FAM20C: variants seen among roughly 807,000 people sequenced by gnomAD.
The protein encoded by FAM20C is FAM20C golgi associated secretory pathway kinase.
Under a neutral mutation model 51.5 loss-of-function variants are expected in FAM20C, and 40 were observed. The observed-to-expected ratio is 0.78, with a 90% confidence interval of 0.60 to 1.01. The LOEUF is 1.01. Among genes scored for constraint, FAM20C ranks in the 50% least tolerant of loss-of-function variants. The pLI is 0.00. For synonymous variants in FAM20C, 406 were observed against 380.6 expected (o/e 1.07, Z -0.78); for missense variants, 861 against 844.7 (o/e 1.02, Z -0.24).
intron 3 of FAM20C, among the ~76,000 whole-genome samples, chr7:245,488 C>A (rs1381142009): frequency 6.6e-6 from 1 of 151,874 alleles, no homozygotes; most frequent in Admixed American, 6.5e-5. Flanking sequence ...CTCCCTGGGC[C>A]TGGCCTGGGT....
chr7:211,088 G>A (rs1786684785), intron 3 of FAM20C, among the ~76,000 whole-genome samples: 1 of 151,614 alleles, frequency 6.6e-6, no homozygotes, highest in African/African-American at 2.4e-5. Flanking sequence ...AGCCCAGGGT[G>A]CGCGACCTAC....
At chr7:219,258 T>A (rs894559277) in intron 3 of FAM20C, among the ~76,000 whole-genome samples, 14 of 151,974 alleles carry the variant, frequency 9.2e-5, no homozygotes, top group African/African-American at 3.4e-4. Flanking sequence ...GGGGAGGGGC[T>A]GGGGTCGCTG....
intron 3 of FAM20C, among the ~76,000 whole-genome samples, chr7:212,285 A>C (rs1467520670): frequency 6.6e-6 from 1 of 152,200 alleles, no homozygotes; most frequent in Non-Finnish European, 1.5e-5. Context: ...CAACATGGTG[A>C]AACCCCATCT....
chr7:256,253 C>G (rs958206364), intron 6 of FAM20C: 3 of 623,826 alleles, frequency 4.8e-6, no homozygotes, highest in Non-Finnish European at 8.2e-6. Flanking sequence ...GCCGGCCTGC[C>G]CACCAGGTCC....
At chr7:219,541 C>T (rs927668193) in intron 3 of FAM20C, among the ~76,000 whole-genome samples, 8 of 152,186 alleles carry the variant, frequency 5.3e-5, no homozygotes, top group African/African-American at 1.9e-4. Flanking sequence ...CCTGAAGCAG[C>T]AGGAGGTGCC....
intron 1 of FAM20C, 85 bp from the exon 2 acceptor site, chr7:195,469 C>T (rs1785813111): frequency 7.8e-7 from 1 of 1,283,330 alleles, no homozygotes; most frequent in Non-Finnish European, 1.0e-6. Context: ...AAGTTAAAAA[C>T]ACTGGCGTCG....
At chr7:198,624 G>A (rs1422079835) in intron 2 of FAM20C, among the ~76,000 whole-genome samples, 4 of 152,208 alleles carry the variant, frequency 2.6e-5, no homozygotes, top group Middle Eastern at 3.2e-3. Context: ...CATGCACCAC[G>A]TGTGCCTTTG....
At chr7:228,404 C>T in intron 3 of FAM20C, 3 of 452,646 alleles carry the variant, frequency 6.6e-6, no homozygotes, top group South Asian at 4.7e-5. Flanking sequence ...ACTCAGGCCC[C>T]TCTGCTGGGT....
chr7:217,220 C>G (rs537628638), intron 3 of FAM20C, among the ~76,000 whole-genome samples: 65 of 152,256 alleles, frequency 4.3e-4, no homozygotes, highest in Non-Finnish European at 1.0e-4. Context: ...GCGGACACAG[C>G]TTTGGCCTCG....
At chr7:258,752 T>C (rs964429527) in intron 9 of FAM20C, 47 bp downstream of exon 9, 6 of 1,503,906 alleles carry the variant, frequency 4.0e-6, no homozygotes, top group East Asian at 4.9e-5. Context: ...TCCTCCCTAC[T>C]GCGCAGGAGA....
intron 2 of FAM20C, among the ~76,000 whole-genome samples, chr7:203,613 A>G (rs1282515108): frequency 6.6e-6 from 1 of 152,224 alleles, no homozygotes; most frequent in Non-Finnish European, 1.5e-5. Flanking sequence ...CCCACTTGGT[A>G]GACTGAGTGG....
intron 1 of FAM20C, among the ~76,000 whole-genome samples, chr7:194,779 A>ATC (rs2115038194): frequency 1.5e-5 from 1 of 66,086 alleles, no homozygotes; most frequent in African/African-American, 6.9e-5. Context: ...CTAGCCCCCC[A>ATC]CCCCGCCCCC....
intron 3 of FAM20C, among the ~76,000 whole-genome samples, chr7:217,751 C>A (rs1337568794): frequency 6.6e-6 from 1 of 152,138 alleles, no homozygotes; most frequent in Non-Finnish European, 1.5e-5. Flanking sequence ...GACGGGAGAA[C>A]AATGACCCGG....
intron 2 of FAM20C, among the ~76,000 whole-genome samples, chr7:205,341 C>T (rs1035825040): frequency 1.3e-5 from 2 of 151,060 alleles, no homozygotes; most frequent in Non-Finnish European, 3.0e-5. Flanking sequence ...ACCACGGACA[C>T]GCACCGCCAC....
chr7:226,970 CCGTCCAAG>C (rs1787471460), intron 3 of FAM20C, among the ~76,000 whole-genome samples: 1 of 152,172 alleles, frequency 6.6e-6, no homozygotes, highest in Non-Finnish European at 1.5e-5. Context: ...GTCCCTGCAG[CCGTCCAAG>C]CCCACACTGG....
In FAM20C at chr7:258,070, T is replaced by C. The variant is rs376127190; in HGVS notation, c.1446-576T>C. On this transcript the variant is annotated intron_variant, in intron 8 of 9. Transcript: ENST00000313766. ...AGATAGGCAGTGTGGACCCACTGCCTGGGGTGCTGGAGATGGGGCTGGGTG... is the reference window on the plus strand; with the variant it reads ...AGATAGGCAGTGTGGACCCACTGCCCGGGGTGCTGGAGATGGGGCTGGGTG... 1.2e-3 allele frequency among the ~76,000 whole-genome samples: 121 copies of C among 97,566 alleles called. 7 individuals are homozygous for C. The highest frequency in any genetic ancestry group is 4.3e-3 in the African/African-American group (97 of 22,698). 64.0% of individuals were successfully genotyped at this position (97,566 alleles called of 152,430 possible). A position where few individuals can be genotyped will look rare whatever the true frequency, so the allele number is the denominator to read the frequency against.
chr7:231,187 G>A (rs574464134), intron 3 of FAM20C, among the ~76,000 whole-genome samples: 2 of 152,274 alleles, frequency 1.3e-5, no homozygotes, highest in African/African-American at 2.4e-5. Context: ...TCATGCAGAC[G>A]GGAGACAGGA....
chr7:227,009 C>T (rs995926718), intron 3 of FAM20C, among the ~76,000 whole-genome samples: 2 of 152,114 alleles, frequency 1.3e-5, no homozygotes, highest in Non-Finnish European at 2.9e-5. Context: ...TCGGCTGTTC[C>T]GATTAGGCCT....
chr7:217,082 C>T (rs1333038945), intron 3 of FAM20C, among the ~76,000 whole-genome samples: 1 of 152,166 alleles, frequency 6.6e-6, no homozygotes, highest in African/African-American at 2.4e-5. Context: ...CAGATGCCTC[C>T]TCTACCGAGC....
Sources: gnomAD v4.1 joint callset for allele counts (sites outside exome capture counted in the v4.1 genomes callset) on GRCh38, gnomAD v4.1.1 for gene constraint, MANE v1.5 for transcripts, NCBI Gene and HGNC (gene_info 2026-07-23, HGNC 2026-07-21) for gene names.